Variants in ALK observed in about 807,000 individuals in gnomAD.
ALK encodes ALK tyrosine kinase receptor.
Under a neutral mutation model 163.1 loss-of-function variants are expected in ALK, and 74 were observed. The ratio of observed to expected loss-of-function variants is 0.45; its 90% CI spans 0.38 to 0.55. The LOEUF (loss-of-function observed/expected upper bound fraction) is 0.55. ALK is among the 20% of genes least tolerant of loss of function. ALK has a pLI of 0.00. For missense variants in ALK, 2,063 were observed against 2,105.3 expected (o/e 0.98, Z 0.39); for synonymous variants, 960 against 843.2 (o/e 1.14, Z -2.40).
intron 3 of ALK, among the ~76,000 whole-genome samples, chr2:29,600,852 T>C (rs1440524812): frequency 6.6e-6 from 1 of 152,118 alleles, no homozygotes; most frequent in Admixed American, 6.6e-5. Flanking sequence ...TTTCTGGAAA[T>C]AGGCAGCTTA....
intron 3 of ALK, among the ~76,000 whole-genome samples, chr2:29,689,407 C>G (rs1223800709): frequency 6.6e-6 from 1 of 152,166 alleles, no homozygotes; most frequent in Admixed American, 6.5e-5. Flanking sequence ...GACTCAGGTC[C>G]CTGCTACTCC....
At chr2:29,348,618 C>T (rs892674114) in intron 5 of ALK, among the ~76,000 whole-genome samples, 3 of 152,214 alleles carry the variant, frequency 2.0e-5, no homozygotes, top group African/African-American at 7.2e-5. Context: ...GCAACAAATG[C>T]TCACAGCTCG....
chr2:29,761,292 T>C (rs890708552), intron 1 of ALK, among the ~76,000 whole-genome samples: 4 of 152,206 alleles, frequency 2.6e-5, no homozygotes, highest in African/African-American at 9.7e-5. Context: ...TGAAGGCAGA[T>C]AGATGTGGGC....
intron 3 of ALK, among the ~76,000 whole-genome samples, chr2:29,574,295 C>G (rs80014757): frequency 2.0e-3 from 302 of 152,306 alleles, no homozygotes; most frequent in African/African-American, 7.0e-3. Flanking sequence ...CACCACTTCT[C>G]CATCCACCTT....
chr2:29,911,665 A>G (rs1667705596), intron 1 of ALK, among the ~76,000 whole-genome samples: 1 of 152,234 alleles, frequency 6.6e-6, no homozygotes, highest in South Asian at 2.1e-4. Context: ...CAGAATAACA[A>G]AGGCTTTGAG....
chr2:29,424,449 G>A (rs1465109051), intron 4 of ALK, among the ~76,000 whole-genome samples: 1 of 152,124 alleles, frequency 6.6e-6, no homozygotes, highest in Non-Finnish European at 1.5e-5. Context: ...CTACATAATA[G>A]CCACTGATCT....
rs191719555 is a variant in ALK at position 29,716,178 on chromosome 2, G to A, written c.787+1400C>T. Among the ~76,000 whole-genome samples the A allele has an allele frequency of 9.2e-5, 14 of 152,260 alleles. No homozygotes were observed. The South Asian group carries it at 1.5e-3, about 16-fold the overall frequency. ...TGCCCAGAAGGGAATCTAGAACTCC[G>A]TGCCACACCAGGTTTATAAATACTT... On this transcript the variant is annotated intron_variant, in intron 2 of 28. Transcript: ENST00000389048.
At chr2:29,732,465 T>C (rs1177512292) in intron 1 of ALK, among the ~76,000 whole-genome samples, 1 of 152,190 alleles carries the variant, frequency 6.6e-6, no homozygotes, top group Non-Finnish European at 1.5e-5. Context: ...ACTGTGAGGT[T>C]TTCCTGCCTG....
At chr2:29,651,534 G>A (rs922603251) in intron 3 of ALK, among the ~76,000 whole-genome samples, 3 of 152,136 alleles carry the variant, frequency 2.0e-5, no homozygotes, top group Non-Finnish European at 2.9e-5. Context: ...AAAGATCTGA[G>A]GATCATTTTC....
At chr2:29,508,833 C>G (rs538176200) in intron 4 of ALK, among the ~76,000 whole-genome samples, 8 of 150,680 alleles carry the variant, frequency 5.3e-5, no homozygotes, top group African/African-American at 2.0e-4. Context: ...AGGTGATTCA[C>G]AGGCACAACA....
At chr2:29,232,863 AG>A (rs1664255957) in intron 14 of ALK, among the ~76,000 whole-genome samples, 1 of 152,062 alleles carries the variant, frequency 6.6e-6, no homozygotes. Context: ...TGACCCCCAA[AG>A]ATTCAAGGTT....
At chr2:29,765,128 T>C (rs1324961153) in intron 1 of ALK, among the ~76,000 whole-genome samples, 1 of 152,190 alleles carries the variant, frequency 6.6e-6, no homozygotes, top group Non-Finnish European at 1.5e-5. Flanking sequence ...GCTTCTTGTA[T>C]ATCCTGTAGA....
At chr2:29,322,658 ACT>A (rs1667097510) in intron 6 of ALK, among the ~76,000 whole-genome samples, 2 of 152,018 alleles carry the variant, frequency 1.3e-5, no homozygotes. Flanking sequence ...ACATGGGGAG[ACT>A]CTGTCTTGAC....
chr2:29,597,816 G>A (rs1412070143), intron 3 of ALK, among the ~76,000 whole-genome samples: 2 of 152,212 alleles, frequency 1.3e-5, no homozygotes, highest in African/African-American at 2.4e-5. Context: ...AGGGTAATAG[G>A]GAGATAGCGG....
At chr2:29,596,958 A>T (rs1254875851) in intron 3 of ALK, among the ~76,000 whole-genome samples, 1 of 152,150 alleles carries the variant, frequency 6.6e-6, no homozygotes, top group Admixed American at 6.5e-5. Flanking sequence ...ACTTTGCCTG[A>T]TACTGAATTC....
intron 1 of ALK, among the ~76,000 whole-genome samples, chr2:29,893,153 A>G (rs1667189008): frequency 6.6e-6 from 1 of 151,946 alleles, no homozygotes; most frequent in South Asian, 2.1e-4. Flanking sequence ...ATTCTTGAAT[A>G]TTTCCACCCC....
intron 4 of ALK, among the ~76,000 whole-genome samples, chr2:29,429,640 G>A (rs922527772): frequency 6.6e-6 from 1 of 151,982 alleles, no homozygotes; most frequent in Non-Finnish European, 1.5e-5. Flanking sequence ...ATATTGTTAG[G>A]ATGATGATAA....
At chr2:29,287,534 GA>G (rs1004486814) in intron 9 of ALK, among the ~76,000 whole-genome samples, 5 of 151,698 alleles carry the variant, frequency 3.3e-5, no homozygotes, top group African/African-American at 9.7e-5. Flanking sequence ...TTCTAACCCT[GA>G]AAAAAAATCC....
chr2:29,547,881 T>G (rs1266856596), intron 3 of ALK, among the ~76,000 whole-genome samples: 1 of 152,200 alleles, frequency 6.6e-6, no homozygotes, highest in Non-Finnish European at 1.5e-5. Flanking sequence ...GAACACCCAG[T>G]TCAATGTGCA....
Sources: gnomAD v4.1 joint callset for allele counts (sites outside exome capture counted in the v4.1 genomes callset) on GRCh38, gnomAD v4.1.1 for gene constraint, MANE v1.5 for transcripts, NCBI Gene and HGNC (gene_info 2026-07-23, HGNC 2026-07-21) for gene names.